Variants in DNAH11 observed in about 807,000 individuals in gnomAD.
DNAH11 encodes dynein axonemal heavy chain 11.
Under a neutral mutation model 526.0 loss-of-function variants are expected in DNAH11, and 442 were observed. The ratio of observed to expected loss-of-function variants is 0.84; its 90% confidence interval spans 0.78 to 0.91. The LOEUF is 0.91. Ranked by LOEUF, DNAH11 falls within the 40% of genes least tolerant of loss-of-function variation. The pLI, the probability that DNAH11 is intolerant of heterozygous loss-of-function variation, is 0.00. For synonymous variants in DNAH11, 2,461 were observed against 1,935.9 expected (o/e 1.27, Z -7.12); for missense variants, 6,989 against 5,448.7 (o/e 1.28, Z -8.90).
intron 25 of DNAH11, among the ~76,000 whole-genome samples, chr7:21,634,970 A>C (rs866556065): frequency 1.7e-3 from 261 of 152,340 alleles, no homozygotes; most frequent in African/African-American, 6.0e-3. Flanking sequence ...TTTAAACATG[A>C]GAAACAAAAA....
At chr7:21,849,163 G>A (rs1197308143) in intron 66 of DNAH11, among the ~76,000 whole-genome samples, 1 of 152,204 alleles carries the variant, frequency 6.6e-6, no homozygotes, top group African/African-American at 2.4e-5. Context: ...GGGATTACGG[G>A]CATGAGCCAC....
chr7:21,545,291 A>G, intron 2 of DNAH11, 142 bp downstream of exon 2: 2 of 802,082 alleles, frequency 2.5e-6, no homozygotes, highest in Non-Finnish European at 3.7e-6. Context: ...AAAAAAAAAA[A>G]AAAAAGCTTG....
intron 45 of DNAH11, among the ~76,000 whole-genome samples, chr7:21,728,413 C>A (rs760195908): frequency 6.6e-6 from 1 of 151,794 alleles, no homozygotes; most frequent in Non-Finnish European, 1.5e-5. Context: ...AACCCACCAC[C>A]ATGCCCGGCT....
intron 30 of DNAH11, among the ~76,000 whole-genome samples, chr7:21,674,726 A>G (rs545930897): frequency 2.0e-5 from 3 of 151,844 alleles, no homozygotes; most frequent in Non-Finnish European, 2.9e-5. Context: ...GCTCCAGTCT[A>G]CATCTCTCTC....
In DNAH11 at chr7:21,787,511, C is replaced by T. The variant is rs1788242904; in HGVS notation, c.9852C>T (p.Asn3284=). 2 of 1,613,580 alleles carry T rather than the reference C, an allele frequency of 1.2e-6. No individual in the cohort carries two copies. Among genetic ancestry groups the T allele is most frequent in the East Asian group, 2.2e-5 (1 of 44,874 alleles). Reference sequence around the variant, plus strand: ...TGAAAGACCCAGAGTTTAATCCAAACCTGATTCGAACCAAATCTTTTGCAG... The same window carrying T: ...TGAAAGACCCAGAGTTTAATCCAAATCTGATTCGAACCAAATCTTTTGCAG... ...HYLKDPEFNP[N]LIRTKSFAAA... Residue 3284 remains asparagine, a synonymous_variant, in exon 60 of 82, where the codon AAC becomes AAT. Transcript: ENST00000409508.
chr7:21,733,457 T>A (rs970641159), intron 45 of DNAH11, among the ~76,000 whole-genome samples: 1 of 152,180 alleles, frequency 6.6e-6, no homozygotes, highest in African/African-American at 2.4e-5. Context: ...CTTTATGTAT[T>A]TGGAAATCTT....
chr7:21,854,146 A>G (rs192988786), intron 67 of DNAH11, among the ~76,000 whole-genome samples, 169 bp from the exon 68 acceptor site: 1 of 152,350 alleles, frequency 6.6e-6, no homozygotes, highest in Admixed American at 6.5e-5. Context: ...AAATTATTTT[A>G]AAATATGAAT....
chr7:21,864,568 G>A lies in DNAH11; in HGVS notation c.11407G>A (p.Glu3803Lys). The A allele has an allele frequency of 6.2e-7, 1 of 1,611,838 alleles. No homozygotes were observed. Among genetic ancestry groups the A allele is most frequent in the Non-Finnish European group, 8.5e-7 (1 of 1,178,928 alleles). The part of the protein sequence containing the change: ...LLRKKEIDPL[E>K]LDFLLRFTVE... ...GAGAAAGAAAGAGATAGACCCTCTT[G>A]AATTGGATTTCCTGCTTCGATTCAC... Residue 3803 changes from glutamate (E) to lysine (K), a missense_variant, in exon 70 of 82, where the codon GAA becomes AAA. Coordinates refer to ENST00000409508, the MANE Select transcript of DNAH11 (RefSeq NM_001277115.2).
chr7:21,883,050 T>C lies in DNAH11; in HGVS notation c.12388-1241T>C, dbSNP rs188057197. On this transcript the variant is annotated intron_variant, in intron 75 of 81. Transcript: ENST00000409508. The stretch of plus-strand genomic sequence containing the variant: ...CCATGCAGTGGTTGAGAGAGCATGT[T>C]GCGGTCTAGGCACCCCTCTCTTATT... Among the ~76,000 whole-genome samples the C allele has an allele frequency of 4.0e-3, 613 of 152,300 alleles. 2 individuals carry two copies. The highest frequency in any genetic ancestry group is 0.014 in the African/African-American group (575 of 41,566).
At chr7:21,639,648 C>T (rs1282924529) in intron 28 of DNAH11, among the ~76,000 whole-genome samples, 1 of 152,158 alleles carries the variant, frequency 6.6e-6, no homozygotes, top group African/African-American at 2.4e-5. Flanking sequence ...CTTGTGTAAT[C>T]TGAGAGCTCA....
chr7:21,832,950 T>C (rs1781846108), intron 65 of DNAH11, among the ~76,000 whole-genome samples: 2 of 152,180 alleles, frequency 1.3e-5, no homozygotes, highest in South Asian at 4.1e-4. Context: ...AATAAGTTAA[T>C]CATCTTGCTG....
At chr7:21,656,065 T>C (rs1294148760) in intron 29 of DNAH11, 84 bp downstream of exon 29, 2 of 1,414,958 alleles carry the variant, frequency 1.4e-6, no homozygotes, top group African/African-American at 2.9e-5. Context: ...AGCAAAAAAT[T>C]CAACCCAGGT....
Position 21,638,964 on chromosome 7 carries a change from G to T in DNAH11, c.4843G>T (p.Ala1615Ser). 1.9e-6 allele frequency: 3 copies of T among 1,611,420 alleles called. No individual in the cohort carries two copies. The highest frequency in any genetic ancestry group is 2.5e-6 in the Non-Finnish European group (3 of 1,179,114). Residue 1615 changes from alanine (A) to serine (S), a missense_variant, in exon 28 of 82, where the codon GCT (alanine) becomes TCT (serine). Transcript: ENST00000409508. ...GCTTTCTCTTTGTGAAAAAGCTCTC[G>T]CTGAATACCTGGAAACCAAGCGCAT... ...SRLSLCEKALAEYLETKRIAF... is the reference protein window; with the variant it reads ...SRLSLCEKALSEYLETKRIAF...
chr7:21,791,862 G>A (rs1788492694), intron 61 of DNAH11, among the ~76,000 whole-genome samples: 1 of 152,186 alleles, frequency 6.6e-6, no homozygotes, highest in African/African-American at 2.4e-5. Context: ...TGGTGTGTTA[G>A]TCTGTTCTCA....
At chr7:21,638,829 A>C in intron 27 of DNAH11, 110 bp from the exon 28 acceptor site, 1 of 1,305,740 alleles carries the variant, frequency 7.7e-7, no homozygotes, top group Non-Finnish European at 1.1e-6. Context: ...TACCTGTTAA[A>C]CAGTGAGTTT....
chr7:21,629,626 T>C (rs555859992), intron 25 of DNAH11, among the ~76,000 whole-genome samples: 1 of 152,248 alleles, frequency 6.6e-6, no homozygotes, highest in Admixed American at 6.5e-5. Context: ...TTAATACTTA[T>C]AATTATTATT....
rs1220806469 is a variant in DNAH11, at chr7:21,545,088, T to G, written c.434T>G (p.Val145Gly). The G allele has an allele frequency of 6.2e-7, 1 of 1,609,190 alleles. No homozygotes were observed. Among genetic ancestry groups the G allele is most frequent in the Non-Finnish European group, 8.5e-7 (1 of 1,177,418 alleles). Reference sequence around the variant, plus strand: ...ATTGGAGTAAATGACTTTTCTCAAGTGGTTTTATTTGGAGAGTTACCTGCG... The same window carrying G: ...ATTGGAGTAAATGACTTTTCTCAAGGGGTTTTATTTGGAGAGTTACCTGCG... ...ESIGVNDFSQVVLFGELPALS... is the reference protein window; with the variant it reads ...ESIGVNDFSQGVLFGELPALS... The change falls in exon 2 of 82, where the codon GTG becomes GGG. Residue 145 changes from valine to glycine, a missense_variant. Physicochemically the swap from Val to Gly is moderately radical, Grantham distance 109. Transcript: ENST00000409508.
At chr7:21,794,608 A>G (rs75749493) in intron 61 of DNAH11, among the ~76,000 whole-genome samples, 3,673 of 152,260 alleles carry the variant, frequency 0.024, 142 homozygotes, top group African/African-American at 0.078. Flanking sequence ...CAGAAGACCC[A>G]TGGAGTGTGC....
chr7:21,706,179 A>G (rs1034810366), intron 39 of DNAH11, among the ~76,000 whole-genome samples: 2 of 152,146 alleles, frequency 1.3e-5, no homozygotes, highest in African/African-American at 4.8e-5. Flanking sequence ...TTTACTCGGC[A>G]CAACAATGAT....
Sources: allele counts gnomAD v4.1 joint callset (sites outside exome capture counted in the v4.1 genomes callset), GRCh38; gene constraint gnomAD v4.1.1; transcripts MANE v1.5; gene names NCBI Gene and HGNC (gene_info 2026-07-23, HGNC 2026-07-21).